Variants in GPC6 observed in about 807,000 individuals in gnomAD.
GPC6 encodes glypican-6.
A neutral mutation model predicts 55.2 loss-of-function variants in GPC6; 14 were observed. The observed-to-expected ratio is 0.25, with a 90% CI of 0.17 to 0.40. GPC6 has a LOEUF of 0.40. Among genes scored for constraint, GPC6 ranks in the 10% least tolerant of loss-of-function variants. The probability of loss-of-function intolerance (pLI) is 1.00; values close to 1 mark genes in which losing one functional copy is unlikely to be tolerated. For missense variants in GPC6, 641 were observed against 708.5 expected, an observed-to-expected ratio of 0.90 and a Z score of 1.08; for synonymous variants, 278 against 259.6, an observed-to-expected ratio of 1.07 and a Z score of -0.68.
Position 93,599,105 on chromosome 13 carries a change from TTTGA to T in GPC6, c.319+53688_319+53691del, listed in dbSNP as rs373506133. On this transcript the variant is annotated intron_variant, in intron 2 of 8. Transcript: ENST00000377047. ...ATATAAGGTTAAACTGTGATTTCGT[TTTGA>T]TTGTGTTTACAATTATTGAAATTAT... Among the ~76,000 whole-genome samples, 659 of 152,308 alleles carry T rather than the reference TTTGA, an allele frequency of 4.3e-3. 7 individuals carry two copies. Among genetic ancestry groups the T allele is most frequent in the South Asian group, 0.014 (68 of 4,828 alleles).
intron 3 of GPC6, among the ~76,000 whole-genome samples, chr13:93,904,176 G>T (rs1370460082): frequency 6.6e-6 from 1 of 152,080 alleles, no homozygotes; most frequent in African/African-American, 2.4e-5. Flanking sequence ...CTGTCACCAC[G>T]TCTGGCAGAT....
intron 7 of GPC6, among the ~76,000 whole-genome samples, chr13:94,387,519 G>A (rs1288972051): frequency 6.6e-6 from 1 of 152,184 alleles, no homozygotes; most frequent in East Asian, 1.9e-4. Flanking sequence ...ACTTTAGGGT[G>A]CAGGCTAAAC....
chr13:93,751,978 A>C (rs1884609361), intron 2 of GPC6, among the ~76,000 whole-genome samples: 1 of 151,960 alleles, frequency 6.6e-6, no homozygotes, highest in Admixed American at 6.6e-5. Context: ...TAATTCTCTC[A>C]GGCTGTATTT....
intron 3 of GPC6, among the ~76,000 whole-genome samples, chr13:93,837,682 A>G (rs1887791710): frequency 2.0e-5 from 3 of 152,234 alleles, no homozygotes. Flanking sequence ...ATTTATGTAT[A>G]TGAACATTAT....
At chr13:94,397,185 T>C (rs1052474811) in intron 7 of GPC6, among the ~76,000 whole-genome samples, 3 of 151,936 alleles carry the variant, frequency 2.0e-5, no homozygotes, top group African/African-American at 4.8e-5. Flanking sequence ...GGAGGTCACT[T>C]TGAGGCTACA....
intron 4 of GPC6, among the ~76,000 whole-genome samples, chr13:94,067,892 G>T (rs182045026): frequency 1.3e-5 from 2 of 152,170 alleles, no homozygotes; most frequent in Non-Finnish European, 2.9e-5. Context: ...ATGCTTAAAT[G>T]TAGAGAACAA....
At chr13:93,980,980 T>G (rs1244021297) in intron 3 of GPC6, among the ~76,000 whole-genome samples, 1 of 152,192 alleles carries the variant, frequency 6.6e-6, no homozygotes, top group African/African-American at 2.4e-5. Flanking sequence ...CCAACAACAG[T>G]GTATGCCAAC....
intron 2 of GPC6, among the ~76,000 whole-genome samples, chr13:93,778,060 A>G (rs1005557318): frequency 2.0e-5 from 3 of 152,162 alleles, no homozygotes; most frequent in African/African-American, 4.8e-5. Flanking sequence ...ATTGAGGGCA[A>G]TTATTGAATA....
chr13:94,120,528 C>CTT (rs548929202), intron 4 of GPC6, among the ~76,000 whole-genome samples: 1 of 143,718 alleles, frequency 7.0e-6, no homozygotes, highest in Non-Finnish European at 1.5e-5. Context: ...CATATGGTTT[C>CTT]TTTTTTTTTT....
chr13:93,518,250 G>A (rs1327686489), intron 1 of GPC6, among the ~76,000 whole-genome samples: 2 of 151,820 alleles, frequency 1.3e-5, no homozygotes, highest in Non-Finnish European at 2.9e-5. Context: ...CATTATCTAT[G>A]TCCTGTTTTG....
At chr13:93,990,938 GAGGA>G (rs763931782) in intron 3 of GPC6, among the ~76,000 whole-genome samples, 160 of 146,354 alleles carry the variant, frequency 1.1e-3, no homozygotes, top group African/African-American at 3.5e-3. Flanking sequence ...CGGGAGGGAG[GAGGA>G]AGGAAGGAAG....
intron 2 of GPC6, among the ~76,000 whole-genome samples, chr13:93,723,066 A>G (rs1015614725): frequency 1.3e-5 from 2 of 152,016 alleles, no homozygotes; most frequent in Non-Finnish European, 2.9e-5. Flanking sequence ...CATTCAACCC[A>G]TAACATACAT....
At position 93,640,336 on chromosome 13, in the gene GPC6, A is replaced by G. The variant is rs115432059; in HGVS notation, c.319+94915A>G. On this transcript the variant is annotated intron_variant, in intron 2 of 8. Transcript: ENST00000377047. ...TTATCAAGTATTGCGTGCTTACTAT[A>G]TGCCAAGTACATTATCTAATTTATT... is the stretch of plus-strand genomic sequence containing the variant. Among the ~76,000 whole-genome samples the G allele has an allele frequency of 2.1e-3, 315 of 152,270 alleles. 2 individuals carry two copies. Among genetic ancestry groups the G allele is most frequent in the African/African-American group, 7.0e-3 (292 of 41,576 alleles).
At chr13:94,319,246 A>G (rs148820027) in intron 6 of GPC6, among the ~76,000 whole-genome samples, 2 of 152,152 alleles carry the variant, frequency 1.3e-5, no homozygotes, top group East Asian at 3.9e-4. Flanking sequence ...TCTTCTAATA[A>G]TTACCCTTGA....
intron 2 of GPC6, among the ~76,000 whole-genome samples, chr13:93,590,893 G>T (rs923709030): frequency 6.6e-6 from 1 of 151,906 alleles, no homozygotes; most frequent in African/African-American, 2.4e-5. Context: ...TAAAAAGGAC[G>T]AGCTAGTGGG....
chr13:93,681,792 T>G (rs1881854297), intron 2 of GPC6, among the ~76,000 whole-genome samples: 1 of 152,200 alleles, frequency 6.6e-6, no homozygotes, highest in African/African-American at 2.4e-5. Flanking sequence ...GAACTTTAAC[T>G]CAATATTACC....
At chr13:94,180,767 A>G (rs35024259) in intron 4 of GPC6, among the ~76,000 whole-genome samples, 13,823 of 152,188 alleles carry the variant, frequency 0.091, 777 homozygotes, top group East Asian at 0.19. Context: ...CTACAGATTA[A>G]TAGGGACAAG....
At chr13:94,132,813 G>A (rs9589910) in intron 4 of GPC6, among the ~76,000 whole-genome samples, 10 of 152,098 alleles carry the variant, frequency 6.6e-5, no homozygotes, top group Admixed American at 1.3e-4. Context: ...ACCAAATACC[G>A]CCTCAGGACC....
At chr13:93,405,560 G>C (rs1354738976) in intron 1 of GPC6, among the ~76,000 whole-genome samples, 1 of 152,094 alleles carries the variant, frequency 6.6e-6, no homozygotes, top group African/African-American at 2.4e-5. Flanking sequence ...ACACTGGGGT[G>C]CATTTCCTTG....
Sources: allele counts gnomAD v4.1 joint callset (sites outside exome capture counted in the v4.1 genomes callset), GRCh38; gene constraint gnomAD v4.1.1; transcripts MANE v1.5; gene names NCBI Gene and HGNC (gene_info 2026-07-23, HGNC 2026-07-21).